Variants in NDUFA12 observed in about 807,000 individuals in gnomAD.
NDUFA12 encodes the protein NADH:ubiquinone oxidoreductase subunit A12.
In NDUFA12, 17 loss-of-function variants were observed where a neutral mutation model predicts 20.3. The observed-to-expected ratio is 0.84, with a 90% confidence interval of 0.57 to 1.26. The LOEUF (loss-of-function observed/expected upper bound fraction) is 1.26. NDUFA12 is among the 50% of genes most tolerant of loss of function. The probability of loss-of-function intolerance (pLI) is 0.00; values close to 1 mark genes in which losing one functional copy is unlikely to be tolerated. For missense variants in NDUFA12, 191 were observed against 183.7 expected (o/e 1.04, Z -0.23); for synonymous variants, 72 against 63.6 (o/e 1.13, Z -0.63).
In NDUFA12 at chr12:94,981,905, G is replaced by A. The variant is rs190655221; in HGVS notation, c.258-10285C>T. 3.7e-3 allele frequency among the ~76,000 whole-genome samples: 558 copies of A among 152,290 alleles called. 11 individuals carry two copies. The highest frequency in any genetic ancestry group is 6.2e-4 in the Non-Finnish European group (42 of 68,034). On this transcript the variant is annotated intron_variant, in intron 3 of 3. Transcript: ENST00000327772. ...GGTGGACTTAGCAGCCTTTACTGGT[G>A]GCTGGTAGATTCAAAGAAGTGAAGG...
At chr12:94,991,782 T>C (rs967771004) in intron 3 of NDUFA12, among the ~76,000 whole-genome samples, 1 of 150,994 alleles carries the variant, frequency 6.6e-6, no homozygotes, top group Non-Finnish European at 1.5e-5. Flanking sequence ...AATACAGATG[T>C]CCACCTTTGA....
At chr12:94,992,326 T>C (rs1295273188) in intron 3 of NDUFA12, among the ~76,000 whole-genome samples, 1 of 152,232 alleles carries the variant, frequency 6.6e-6, no homozygotes, top group African/African-American at 2.4e-5. Flanking sequence ...AGGGCTCTCA[T>C]TTTATAGACA....
Position 95,003,582 on chromosome 12 carries a change from T to TAGAG in NDUFA12, c.86+12_86+13insCTCT. 1.2e-6 allele frequency: 2 copies of TAGAG among 1,613,450 alleles called. No homozygotes were observed. Among genetic ancestry groups the TAGAG allele is most frequent in the Non-Finnish European group, 1.7e-6 (2 of 1,179,528 alleles). ...CAGCCCCAGAGGCCAAGAGCATGGC[T>TAGAG]CTGGCCGCCTACCTGAAAAAAACCC... On this transcript the variant is annotated intron_variant, in intron 1 of 3. Transcript: ENST00000327772.
chr12:94,976,971 G>A (rs1307933324), intron 3 of NDUFA12, among the ~76,000 whole-genome samples: 1 of 152,158 alleles, frequency 6.6e-6, no homozygotes, highest in African/African-American at 2.4e-5. Flanking sequence ...AAACAATCTT[G>A]TCTTCTGCTT....
chr12:94,995,677 G>C (rs889264125), intron 2 of NDUFA12, among the ~76,000 whole-genome samples: 6 of 152,000 alleles, frequency 3.9e-5, no homozygotes, highest in African/African-American at 1.5e-4. Context: ...GGGACCATAG[G>C]CATGTGCCAC....
intron 3 of NDUFA12, among the ~76,000 whole-genome samples, chr12:94,987,311 C>T (rs181610202): frequency 4.1e-4 from 62 of 152,270 alleles, no homozygotes; most frequent in Non-Finnish European, 7.6e-4. Flanking sequence ...ATGAAAATCA[C>T]AGAAAAGTTG....
intron 3 of NDUFA12, among the ~76,000 whole-genome samples, chr12:94,986,642 A>C (rs1044544432): frequency 7.9e-5 from 12 of 151,404 alleles, no homozygotes; most frequent in South Asian, 6.3e-4. Context: ...CTAAAAAAAA[A>C]CCAGCAGGTT....
At chr12:95,002,946 A>C (rs901520083) in intron 1 of NDUFA12, 125 bp from the exon 2 acceptor site, 3 of 797,024 alleles carry the variant, frequency 3.8e-6, no homozygotes, top group Non-Finnish European at 6.7e-6. Flanking sequence ...AAAATGAAGA[A>C]GTGCTGGGGA....
At chr12:94,972,527 T>C in intron 3 of NDUFA12, 1 of 444,628 alleles carries the variant, frequency 2.2e-6, no homozygotes, top group South Asian at 1.6e-5. Flanking sequence ...AATTCAAGCA[T>C]GTGAGTGTAA....
At chr12:94,995,391 C>A (rs544950137) in intron 2 of NDUFA12, among the ~76,000 whole-genome samples, 6 of 152,196 alleles carry the variant, frequency 3.9e-5, no homozygotes, top group Non-Finnish European at 8.8e-5. Flanking sequence ...TTTCATAAGT[C>A]AAGCCCTGAC....
At chr12:94,995,051 A>G (rs77766454) in intron 2 of NDUFA12, among the ~76,000 whole-genome samples, 2,340 of 152,292 alleles carry the variant, frequency 0.015, 71 homozygotes, top group African/African-American at 0.052. Flanking sequence ...TAAGCACATA[A>G]TAAGTATTAA....
intron 2 of NDUFA12, among the ~76,000 whole-genome samples, chr12:94,997,800 A>G (rs1054785670): frequency 7.5e-6 from 1 of 134,080 alleles, no homozygotes; most frequent in African/African-American, 2.6e-5. Flanking sequence ...TGGGTAAGGG[A>G]TACTCAAACT....
At chr12:94,976,669 T>C (rs61935733) in intron 3 of NDUFA12, among the ~76,000 whole-genome samples, 19,028 of 152,270 alleles carry the variant, frequency 0.12, 1,939 homozygotes, top group African/African-American at 0.28. Context: ...AATCCATGGA[T>C]GCAGAACCCA....
At chr12:94,982,403 A>G (rs1464102684) in intron 3 of NDUFA12, among the ~76,000 whole-genome samples, 1 of 150,974 alleles carries the variant, frequency 6.6e-6, no homozygotes, top group African/African-American at 2.4e-5. Flanking sequence ...CCTCCCAAGT[A>G]GCTGGGACTA....
intron 3 of NDUFA12, among the ~76,000 whole-genome samples, chr12:94,991,761 T>C (rs1592703949): frequency 6.9e-6 from 1 of 145,564 alleles, no homozygotes; most frequent in African/African-American, 2.5e-5. Context: ...AAACAAGAAG[T>C]CTCACAAATA....
chr12:94,981,968 A>T (rs1874252913), intron 3 of NDUFA12, among the ~76,000 whole-genome samples: 1 of 152,198 alleles, frequency 6.6e-6, no homozygotes, highest in Admixed American at 6.5e-5. Flanking sequence ...TCATTTTTCC[A>T]CAAGATTTCT....
At chr12:94,973,873 C>A (rs1198673986) in intron 3 of NDUFA12, among the ~76,000 whole-genome samples, 1 of 151,096 alleles carries the variant, frequency 6.6e-6, no homozygotes, top group African/African-American at 2.4e-5. Flanking sequence ...CAAATATAAC[C>A]CTTGTTATTT....
chr12:94,987,791 C>CAAAAAAAAAAAAAAA, intron 3 of NDUFA12, among the ~76,000 whole-genome samples: 1 of 69,346 alleles, frequency 1.4e-5, no homozygotes, highest in Non-Finnish European at 2.6e-5. Context: ...GACATTGTCT[C>CAAAAAAAAAAAAAAA]AAAAAAAAAA....
At chr12:95,001,033 G>A (rs1418013630) in intron 2 of NDUFA12, among the ~76,000 whole-genome samples, 1 of 152,166 alleles carries the variant, frequency 6.6e-6, no homozygotes, top group Non-Finnish European at 1.5e-5. Flanking sequence ...TTACTAGCAC[G>A]GTGGCTCATG....
Sources: allele counts gnomAD v4.1 joint callset (sites outside exome capture counted in the v4.1 genomes callset), GRCh38; gene constraint gnomAD v4.1.1; transcripts MANE v1.5; gene names NCBI Gene and HGNC (gene_info 2026-07-23, HGNC 2026-07-21).